SFXN5: variants seen among roughly 807,000 people sequenced by gnomAD.
SFXN5 encodes the protein sideroflexin-5.
SFXN5 carries 43 observed loss-of-function variants against 50.2 expected under a neutral mutation model. The observed-to-expected ratio is 0.86, with a 90% CI of 0.67 to 1.11. The LOEUF (loss-of-function observed/expected upper bound fraction) is 1.11, where lower values mean the gene tolerates loss of function less well. SFXN5 is among the 50% of genes least tolerant of loss of function. The pLI is 0.00. For missense variants in SFXN5, 463 were observed against 454.1 expected (o/e 1.02, Z -0.18); for synonymous variants, 203 against 185.8 (o/e 1.09, Z -0.75).
At chr2:73,048,923 C>T (rs542038803) in intron 2 of SFXN5, among the ~76,000 whole-genome samples, 8 of 152,236 alleles carry the variant, frequency 5.3e-5, no homozygotes, top group African/African-American at 1.4e-4. Flanking sequence ...ACTTTGAGAG[C>T]GAATGAGTAT....
chr2:72,964,209 A>G lies in SFXN5; in HGVS notation c.828-2961T>C, dbSNP rs147022410. ...TGCATTCCTTCAGCACTTGGAGCGCAGTTTTAGTTTGCACTCCGTTAATTT... is the reference window on the plus strand; with the variant it reads ...TGCATTCCTTCAGCACTTGGAGCGCGGTTTTAGTTTGCACTCCGTTAATTT... On this transcript the variant is annotated intron_variant, in intron 12 of 13. Transcript: ENST00000272433. Among the ~76,000 whole-genome samples the G allele has an allele frequency of 2.7e-3, 410 of 152,270 alleles. 1 individual carries two copies. The highest frequency in any genetic ancestry group is 4.6e-3 in the Admixed American group (70 of 15,304).
chr2:73,012,079 G>C (rs534043159), intron 6 of SFXN5, among the ~76,000 whole-genome samples: 1 of 152,158 alleles, frequency 6.6e-6, no homozygotes, highest in Non-Finnish European at 1.5e-5. Context: ...AGTGTCATAA[G>C]CTAACCATAG....
intron 8 of SFXN5, 60 bp from the exon 9 acceptor site, chr2:72,999,074 T>G: frequency 6.4e-7 from 1 of 1,564,210 alleles, no homozygotes; most frequent in Non-Finnish European, 8.8e-7. Flanking sequence ...ATACTTCCCC[T>G]TGTAAGCTGT....
chr2:72,988,350 T>G lies in SFXN5; in HGVS notation c.535-2A>C, dbSNP rs1559124930. The G allele has an allele frequency of 1.2e-6, 2 of 1,613,230 alleles. No individual in the cohort carries two copies. The highest frequency in any genetic ancestry group is 4.5e-5 in the East Asian group (2 of 44,876). The stretch of plus-strand genomic sequence containing the variant: ...CTGAACCAGGACATTAAGGCCCACC[T>G]TTGAAAGAAAAAAATAAAAACACAG... On this transcript the variant is annotated splice_acceptor_variant, in intron 9 of 13. Coordinates refer to ENST00000272433, the MANE Select transcript of SFXN5 (RefSeq NM_144579.3). LOFTEE classifies it high-confidence loss of function.
At chr2:73,002,908 G>T (rs947746762) in intron 6 of SFXN5, among the ~76,000 whole-genome samples, 13 of 152,196 alleles carry the variant, frequency 8.5e-5, no homozygotes, top group African/African-American at 2.2e-4. Flanking sequence ...GGCAGAAAAT[G>T]ATCCCCTTTG....
At chr2:73,063,253 A>G (rs1424657178) in intron 1 of SFXN5, among the ~76,000 whole-genome samples, 1 of 152,202 alleles carries the variant, frequency 6.6e-6, no homozygotes, top group Non-Finnish European at 1.5e-5. Flanking sequence ...TGGAAATGTC[A>G]GGTACAGATT....
chr2:72,994,688 C>A (rs977145542), intron 9 of SFXN5, among the ~76,000 whole-genome samples: 47 of 152,178 alleles, frequency 3.1e-4, no homozygotes, highest in Non-Finnish European at 5.7e-4. Context: ...CCCACCCCTT[C>A]TCCTCCAGCC....
At chr2:72,968,960 A>C (rs1240238208) in intron 11 of SFXN5, among the ~76,000 whole-genome samples, 1 of 151,452 alleles carries the variant, frequency 6.6e-6, no homozygotes, top group East Asian at 2.0e-4. Context: ...GCACCACCAT[A>C]CCTGGCTAAT....
chr2:73,004,811 A>G (rs1674410157), intron 6 of SFXN5, among the ~76,000 whole-genome samples: 2 of 152,266 alleles, frequency 1.3e-5, no homozygotes, highest in African/African-American at 4.8e-5. Context: ...ATTCCCTATT[A>G]GGCAAAACGC....
chr2:73,039,694 C>G (rs1266719579), intron 3 of SFXN5, among the ~76,000 whole-genome samples: 1 of 152,108 alleles, frequency 6.6e-6, no homozygotes, highest in Non-Finnish European at 1.5e-5. Flanking sequence ...ATCTGCAGAA[C>G]AGCAAAAAGT....
intron 1 of SFXN5, 89 bp from the exon 2 acceptor site, chr2:73,058,685 G>A: frequency 1.6e-6 from 2 of 1,254,186 alleles, no homozygotes; most frequent in Non-Finnish European, 2.3e-6. Context: ...TTTATGATTG[G>A]GGTCCCCCGG....
intron 2 of SFXN5, 57 bp downstream of exon 2, chr2:73,058,471 T>C: frequency 6.6e-7 from 1 of 1,525,918 alleles, no homozygotes. Context: ...ACCCACATAT[T>C]CTGAAATGAC....
At chr2:73,016,411 T>C (rs1036369377) in intron 6 of SFXN5, among the ~76,000 whole-genome samples, 5 of 152,164 alleles carry the variant, frequency 3.3e-5, no homozygotes, top group African/African-American at 1.2e-4. Context: ...TTTCAAGATA[T>C]ATCAAGTGGA....
chr2:72,976,224 T>C (rs1314330178), intron 10 of SFXN5, among the ~76,000 whole-genome samples: 1 of 152,190 alleles, frequency 6.6e-6, no homozygotes, highest in Non-Finnish European at 1.5e-5. Flanking sequence ...TTCCACTTTT[T>C]TACACCAGAA....
intron 2 of SFXN5, among the ~76,000 whole-genome samples, chr2:73,051,400 G>A (rs1234170917): frequency 6.6e-6 from 1 of 151,810 alleles, no homozygotes; most frequent in Non-Finnish European, 1.5e-5. Context: ...TGGGATTAAA[G>A]GTGCCCATCA....
chr2:72,957,064 C>T (rs1167541475), intron 13 of SFXN5: 1 of 456,750 alleles, frequency 2.2e-6, no homozygotes. Flanking sequence ...TCCCTGTGCC[C>T]TTGGCTGCTT....
At chr2:73,003,132 C>CG (rs1674134986) in intron 6 of SFXN5, among the ~76,000 whole-genome samples, 1 of 83,802 alleles carries the variant, frequency 1.2e-5, no homozygotes, top group Non-Finnish European at 2.4e-5. Flanking sequence ...CTGAGCCTAG[C>CG]GGGGGTGGGG....
chr2:73,023,971 T>C (rs778021956), intron 3 of SFXN5, among the ~76,000 whole-genome samples: 6 of 152,162 alleles, frequency 3.9e-5, no homozygotes, highest in Admixed American at 6.5e-5. Context: ...AAGACACCAC[T>C]GATCCTAAGA....
rs1272386908 is a variant in SFXN5 at position 72,992,751 on chromosome 2, T to C, written c.535-4403A>G. Among the ~76,000 whole-genome samples the C allele has an allele frequency of 6.6e-6, 1 of 152,194 alleles. No individual in the cohort carries two copies. The highest frequency in any genetic ancestry group is 1.5e-5 in the Non-Finnish European group (1 of 68,016). ...CAGTGCACCTCCTAACCAGGCCCCC[T>C]GTTTCCACTCTTGCCCCCATCCATC... On this transcript the variant is annotated intron_variant, in intron 9 of 13. Transcript: ENST00000272433. This position sits in a 1 kb window ranked among gnomAD's most constrained non-coding sequence, Gnocchi z 4.5.
Sources: allele counts gnomAD v4.1 joint callset (sites outside exome capture counted in the v4.1 genomes callset), GRCh38; gene constraint gnomAD v4.1.1; non-coding constraint Gnocchi (gnomAD v3.1); transcripts MANE v1.5; gene names NCBI Gene and HGNC (gene_info 2026-07-23, HGNC 2026-07-21).